The following KDM4C variants were observed in gnomAD, a reference collection of about 807,000 sequenced individuals.
KDM4C encodes lysine demethylase 4C.
Under a neutral mutation model 129.3 loss-of-function variants are expected in KDM4C, and 81 were observed. That is an observed-to-expected ratio of 0.63 (90% CI 0.52 to 0.75). The LOEUF is 0.75. KDM4C is among the 30% of genes least tolerant of loss of function. The pLI is 0.00. For synonymous variants in KDM4C, 573 were observed against 456.1 expected (o/e 1.26, Z -3.26); for missense variants, 1,457 against 1,304.0 (o/e 1.12, Z -1.81).
chr9:6,744,480 G>A lies in KDM4C; in HGVS notation c.49+23483G>A, dbSNP rs370345036. On this transcript the variant is annotated intron_variant, in intron 1 of 17. Transcript: ENST00000536108. Reference sequence around the variant, plus strand: ...GCGGAGGTTGCAGTGAGCTGAGATCGCACCACTGCCCTCCAGTGTGGCGAC... The same window carrying A: ...GCGGAGGTTGCAGTGAGCTGAGATCACACCACTGCCCTCCAGTGTGGCGAC... 6.2e-4 allele frequency among the ~76,000 whole-genome samples: 94 copies of A among 152,116 alleles called. 1 individual carries two copies. In the East Asian group the frequency reaches 0.017, roughly 28 times the overall value.
At chr9:6,824,237 A>G (rs1214606766) in intron 4 of KDM4C, among the ~76,000 whole-genome samples, 1 of 152,256 alleles carries the variant, frequency 6.6e-6, no homozygotes, top group Non-Finnish European at 1.5e-5. Context: ...CTTCTGCAGT[A>G]GACTCTGAGT....
intron 17 of KDM4C, among the ~76,000 whole-genome samples, chr9:7,070,085 A>G (rs1171739714): frequency 6.6e-6 from 1 of 152,246 alleles, no homozygotes; most frequent in African/African-American, 2.4e-5. Flanking sequence ...AGACTGACAA[A>G]ATCAAACAAG....
chr9:6,887,966 TC>T lies in KDM4C; in HGVS notation c.689del (p.Pro230GlnfsTer15), dbSNP rs774814614. The part of the protein sequence containing the change: ...KRLERLAQGF[F>X]PSSSQGCDAF... ...ATTTATTGTTTCTTTTTAGGTTTTT[TC>T]CCAAGCAGCTCCCAAGGGTGTGATG... On this transcript the variant is annotated frameshift_variant, in exon 7 of 22. Coordinates refer to ENST00000381309, the MANE Select transcript of KDM4C (RefSeq NM_015061.6). LOFTEE classifies it high-confidence loss of function. The T allele has an allele frequency of 6.2e-7, 1 of 1,604,522 alleles. No individual in the cohort carries two copies. Among genetic ancestry groups the T allele is most frequent in the Non-Finnish European group, 8.5e-7 (1 of 1,171,610 alleles).
At chr9:6,819,417 A>G (rs1428722475) in intron 4 of KDM4C, among the ~76,000 whole-genome samples, 1 of 152,248 alleles carries the variant, frequency 6.6e-6, no homozygotes, top group Non-Finnish European at 1.5e-5. Context: ...GTAAACACGC[A>G]GTTTTAAAAC....
At chr9:6,811,128 TG>T (rs1289078778) in intron 3 of KDM4C, among the ~76,000 whole-genome samples, 2 of 152,172 alleles carry the variant, frequency 1.3e-5, no homozygotes, top group African/African-American at 4.8e-5. Flanking sequence ...GATTAATTTT[TG>T]TTGGAGACAA....
chr9:7,132,686 C>T (rs952020449), intron 19 of KDM4C, among the ~76,000 whole-genome samples: 1 of 152,192 alleles, frequency 6.6e-6, no homozygotes, highest in Admixed American at 6.5e-5. Context: ...TGAAAGTACT[C>T]AATGAGCATA....
At chr9:6,789,764 G>T (rs1826179037) in intron 1 of KDM4C, among the ~76,000 whole-genome samples, 1 of 152,046 alleles carries the variant, frequency 6.6e-6, no homozygotes. Context: ...GTCTACACGT[G>T]AACAGAGGCA....
At chr9:6,969,966 C>G (rs865889616) in intron 8 of KDM4C, among the ~76,000 whole-genome samples, 1 of 152,166 alleles carries the variant, frequency 6.6e-6, no homozygotes, top group South Asian at 2.1e-4. Flanking sequence ...AACAAGCTAC[C>G]GACACATTCC....
intron 1 of KDM4C, among the ~76,000 whole-genome samples, chr9:6,774,154 C>T (rs1010559241): frequency 2.6e-5 from 4 of 151,936 alleles, no homozygotes; most frequent in Non-Finnish European, 4.4e-5. Flanking sequence ...TCCCAAAGTG[C>T]TGGGATTACA....
intron 4 of KDM4C, among the ~76,000 whole-genome samples, chr9:6,817,195 G>GCACC (rs1832263877): frequency 1.9e-5 from 1 of 53,252 alleles, no homozygotes; most frequent in Non-Finnish European, 3.2e-5. Flanking sequence ...CCCTCCCCCT[G>GCACC]CCCCCCCCCC....
intron 8 of KDM4C, among the ~76,000 whole-genome samples, chr9:6,939,976 A>ACCTACCTTCCTTCCTTCCTTCCTTCCTT (rs1458974643): frequency 2.1e-5 from 2 of 93,480 alleles, no homozygotes. Flanking sequence ...CTACCTACCT[A>ACCTACCTTCCTTCCTTCCTTCCTTCCTT]CCTTCCTTCC....
At chr9:7,090,915 A>G (rs1377382778) in intron 17 of KDM4C, among the ~76,000 whole-genome samples, 1 of 152,222 alleles carries the variant, frequency 6.6e-6, no homozygotes, top group African/African-American at 2.4e-5. Flanking sequence ...TTTTCTTGCA[A>G]GGGGAAGAAT....
In KDM4C at chr9:6,761,801, A is replaced by G. The variant is rs182898810; in HGVS notation, c.-18+3598A>G. Among the ~76,000 whole-genome samples, 4 of 150,810 alleles carry G rather than the reference A, an allele frequency of 2.7e-5. No individual in the cohort carries two copies. In the East Asian group the frequency reaches 7.9e-4, roughly 30 times the overall value. ...ATTAGTATTTAATGCTTCTCTCCCA[A>G]CCTCTGTCTCTTTTTTCTTTTTCTT... is the stretch of plus-strand genomic sequence containing the variant. On this transcript the variant is annotated intron_variant, in intron 1 of 21. Coordinates refer to ENST00000381309, the MANE Select transcript of KDM4C (RefSeq NM_015061.6).
chr9:7,096,662 G>A (rs1836475185), intron 17 of KDM4C, among the ~76,000 whole-genome samples: 1 of 152,146 alleles, frequency 6.6e-6, no homozygotes, highest in South Asian at 2.1e-4. Context: ...ACTGTGACAG[G>A]TGCCTTTAAT....
intron 8 of KDM4C, among the ~76,000 whole-genome samples, chr9:6,966,928 T>C (rs949155356): frequency 1.3e-5 from 2 of 152,166 alleles, no homozygotes; most frequent in African/African-American, 4.8e-5. Flanking sequence ...CATAAAAAAA[T>C]TGATGATTTA....
At chr9:6,748,231 G>T (rs1297028788) in intron 1 of KDM4C, among the ~76,000 whole-genome samples, 2 of 151,708 alleles carry the variant, frequency 1.3e-5, no homozygotes, top group Non-Finnish European at 2.9e-5. Flanking sequence ...GAATTGGCTG[G>T]GCGTGGTGGC....
intron 15 of KDM4C, among the ~76,000 whole-genome samples, chr9:7,018,583 A>T (rs914739397): frequency 2.4e-4 from 36 of 152,234 alleles, no homozygotes; most frequent in African/African-American, 8.4e-4. Context: ...GTTAGAGATT[A>T]TCTGATCAGC....
At chr9:6,902,363 T>C (rs912817458) in intron 8 of KDM4C, among the ~76,000 whole-genome samples, 26 of 152,186 alleles carry the variant, frequency 1.7e-4, no homozygotes, top group African/African-American at 6.3e-4. Flanking sequence ...GCACTGTATA[T>C]ACCTCTTTCT....
At chr9:7,122,083 T>A (rs996553115) in intron 18 of KDM4C, among the ~76,000 whole-genome samples, 2 of 152,134 alleles carry the variant, frequency 1.3e-5, no homozygotes, top group African/African-American at 4.8e-5. Context: ...GGGTAATTTA[T>A]AAAGAGAAGA....
Sources: allele counts gnomAD v4.1 joint callset (sites outside exome capture counted in the v4.1 genomes callset), GRCh38; gene constraint gnomAD v4.1.1; transcripts MANE v1.5; gene names NCBI Gene and HGNC (gene_info 2026-07-23, HGNC 2026-07-21).